PCDHGA2: variants seen among roughly 807,000 people sequenced by gnomAD.
PCDHGA2 encodes protocadherin gamma subfamily A, 2.
In PCDHGA2, 40 loss-of-function variants were observed where a neutral mutation model predicts 59.2. The observed-to-expected ratio is 0.68, with a 90% confidence interval of 0.52 to 0.88. The LOEUF (loss-of-function observed/expected upper bound fraction) is 0.88, where lower values mean the gene tolerates loss of function less well. PCDHGA2 is among the 40% of genes least tolerant of loss of function. The probability of loss-of-function intolerance (pLI) is 0.00; values close to 1 mark genes in which losing one functional copy is unlikely to be tolerated. For missense variants in PCDHGA2, 1,226 were observed against 1,204.0 expected (o/e 1.02, Z -0.27); for synonymous variants, 560 against 526.0 (o/e 1.06, Z -0.89).
intron 1 of PCDHGA2, chr5:141,388,006 T>C (rs1353495946): frequency 6.7e-7 from 1 of 1,482,372 alleles, no homozygotes; most frequent in African/African-American, 1.4e-5. Flanking sequence ...CCCGAGGAAA[T>C]GCCCAAGGGC....
In PCDHGA2 at chr5:141,366,520, C is replaced by T. The variant is rs2149895012; in HGVS notation, c.2424+25125C>T. ...CACGCCTGCTTCAGGCTGAAGGCAG[C>T]AGGTTGGCGGGTGTGCCCGCCTCGC... On this transcript the variant is annotated intron_variant, in intron 1 of 3. Coordinates refer to ENST00000394576, the MANE Select transcript of PCDHGA2 (RefSeq NM_018915.4). 3 of 1,614,278 alleles carry T rather than the reference C, an allele frequency of 1.9e-6. No individual in the cohort carries two copies. The East Asian group carries it at 6.7e-5, about 36-fold the overall frequency.
At chr5:141,426,427 G>A in intron 1 of PCDHGA2, 2 of 293,710 alleles carry the variant, frequency 6.8e-6, no homozygotes, top group Non-Finnish European at 1.3e-5. Context: ...CTCCGTGGTG[G>A]GGAACCTTGC....
rs2099713635 is a variant in PCDHGA2, at chr5:141,491,418, T to C, written c.2425-3389T>C. The C allele has an allele frequency of 6.2e-7, 1 of 1,613,796 alleles. No individual in the cohort carries two copies. Among genetic ancestry groups the C allele is most frequent in the Non-Finnish European group, 8.5e-7 (1 of 1,179,944 alleles). On this transcript the variant is annotated intron_variant, in intron 1 of 3. Transcript: ENST00000394576. The surrounding 1 kb of genome is among the most constrained non-coding windows in gnomAD (Gnocchi z 6.9). The stretch of plus-strand genomic sequence containing the variant: ...AGGGAAACGCAGACGGGGACGGGGG[T>C]GGAGGGCAGTGCTGCAGGCGCCAGG...
intron 1 of PCDHGA2, chr5:141,364,487 G>T: frequency 6.2e-7 from 1 of 1,614,032 alleles, no homozygotes; most frequent in Non-Finnish European, 8.5e-7. Flanking sequence ...CAAGGACCTT[G>T]GGCTGGAGCC....
chr5:141,428,446 T>C lies in PCDHGA2; in HGVS notation c.2425-66361T>C, dbSNP rs575475897. On this transcript the variant is annotated intron_variant, in intron 1 of 3. Coordinates refer to ENST00000394576, the MANE Select transcript of PCDHGA2 (RefSeq NM_018915.4). The stretch of plus-strand genomic sequence containing the variant: ...CTGTTCTAAGACTAGACCAGGGGTT[T>C]TTCCCAACTACAATGAGGGAACTTT... 4.2e-5 allele frequency: 16 copies of C among 378,218 alleles called. No homozygotes were observed. The East Asian group carries it at 8.8e-4, about 21-fold the overall frequency. 23.4% of individuals were successfully genotyped at this position (378,218 alleles called of 1,614,324 possible). A position where few individuals can be genotyped will look rare whatever the true frequency, so the allele number is the denominator to read the frequency against.
intron 1 of PCDHGA2, chr5:141,413,618 A>G (rs1188549125): frequency 6.2e-7 from 1 of 1,613,916 alleles, no homozygotes; most frequent in Non-Finnish European, 8.5e-7. Context: ...AAAATTAATG[A>G]AAATGTCGCT....
intron 1 of PCDHGA2, chr5:141,394,095 G>A: frequency 6.2e-7 from 1 of 1,613,848 alleles, no homozygotes; most frequent in Non-Finnish European, 8.5e-7. Context: ...CTCAGATCTA[G>A]GAACACCACC....
At position 141,476,503 on chromosome 5, in the gene PCDHGA2, C is replaced by T. The variant is rs1259213742; in HGVS notation, c.2425-18304C>T. 2 of 1,614,138 alleles carry T rather than the reference C, an allele frequency of 1.2e-6. No individual in the cohort carries two copies. ...TGGAAGTGGTGATCCAGGACATCAA[C>T]GACAACAATCCTGCTTTCCCTACCC... On this transcript the variant is annotated intron_variant, in intron 1 of 3. Transcript: ENST00000394576. The surrounding 1 kb of genome is among the most constrained non-coding windows in gnomAD (Gnocchi z 7.6).
At chr5:141,444,670 C>G (rs1174911888) in intron 1 of PCDHGA2, among the ~76,000 whole-genome samples, 1 of 152,052 alleles carries the variant, frequency 6.6e-6, no homozygotes, top group African/African-American at 2.4e-5. Context: ...CCATTTTTTT[C>G]AATACCATTT....
At chr5:141,502,552 T>C (rs1217408446) in intron 2 of PCDHGA2, among the ~76,000 whole-genome samples, 1 of 152,146 alleles carries the variant, frequency 6.6e-6, no homozygotes, top group Non-Finnish European at 1.5e-5. Context: ...AAAAACAGTG[T>C]CCCAGATCTC....
chr5:141,477,512 A>G lies in PCDHGA2; in HGVS notation c.2425-17295A>G. 1.9e-6 allele frequency: 3 copies of G among 1,614,156 alleles called. No homozygotes were observed. Among genetic ancestry groups the G allele is most frequent in the South Asian group, 2.2e-5 (2 of 91,072 alleles). ...TTCTCAATCTTCCTACGACGTTTAC[A>G]TTGAAGAAAACAACCTCCCCGGGGC... On this transcript the variant is annotated intron_variant, in intron 1 of 3. Transcript: ENST00000394576. This position sits in a 1 kb window ranked among gnomAD's most constrained non-coding sequence, Gnocchi z 4.9.
intron 1 of PCDHGA2, chr5:141,427,741 C>T (rs748636652): frequency 8.1e-7 from 1 of 1,240,376 alleles, no homozygotes; most frequent in Non-Finnish European, 1.2e-6. Context: ...GGCCAAGTCT[C>T]CTACTCCATC....
rs1246506569 is a variant in PCDHGA2, at chr5:141,341,375, A to G, written c.2404A>G (p.Arg802Gly). The G allele has an allele frequency of 3.1e-6, 5 of 1,614,146 alleles. 1 individual carries two copies. The South Asian group carries it at 4.4e-5, about 14-fold the overall frequency. Residue 802 changes from arginine (R) to glycine (G), a missense_variant, in exon 1 of 4, where the codon AGA becomes GGA. Physicochemically the swap from Arg to Gly is moderately radical, Grantham distance 125. Coordinates refer to ENST00000394576, the MANE Select transcript of PCDHGA2 (RefSeq NM_018915.4). ...SAPQSLLEEE[R>G]EETFSQQAPP... ...GCCTCAATCTCTACTCGAAGAAGAA[A>G]GAGAAGAAACGTTTTCTCAGGTAAT...
intron 1 of PCDHGA2, among the ~76,000 whole-genome samples, chr5:141,347,932 G>C (rs1758039048): frequency 6.6e-6 from 1 of 152,094 alleles, no homozygotes; most frequent in African/African-American, 2.4e-5. Context: ...AAATTATTAT[G>C]AGCCTTGGAG....
Position 141,476,974 on chromosome 5 carries a change from C to G in PCDHGA2, c.2425-17833C>G. 1 of 1,614,268 alleles carries G rather than the reference C, an allele frequency of 6.2e-7. No homozygotes were observed. The highest frequency in any genetic ancestry group is 1.3e-5 in the African/African-American group (1 of 75,080). On this transcript the variant is annotated intron_variant, in intron 1 of 3. Coordinates refer to ENST00000394576, the MANE Select transcript of PCDHGA2 (RefSeq NM_018915.4). This position sits in a 1 kb window ranked among gnomAD's most constrained non-coding sequence, Gnocchi z 7.6. ...AAATTATTTACTCCTTCGGCAGCCA[C>G]AACCGCGCCGGCGTGCGGCAACTAT...
At chr5:141,422,007 T>A in intron 1 of PCDHGA2, 1 of 1,609,966 alleles carries the variant, frequency 6.2e-7, no homozygotes, top group Non-Finnish European at 8.5e-7. Context: ...GCTCCGGAAC[T>A]CGGGTGCTGA....
At chr5:141,346,600 G>T in intron 1 of PCDHGA2, 1 of 1,285,240 alleles carries the variant, frequency 7.8e-7, no homozygotes, top group South Asian at 1.5e-5. Flanking sequence ...CTTTCTTTCT[G>T]GGCCTATAGT....
intron 1 of PCDHGA2, among the ~76,000 whole-genome samples, chr5:141,347,259 T>A (rs1250301636): frequency 6.6e-6 from 1 of 151,768 alleles, no homozygotes; most frequent in East Asian, 1.9e-4. Flanking sequence ...ACTCAAGTGA[T>A]CCTCCCACCT....
In PCDHGA2 at chr5:141,432,856, G is replaced by C; in HGVS notation, c.2425-61951G>C. 1 of 1,614,142 alleles carries C rather than the reference G, an allele frequency of 6.2e-7. No homozygotes were observed. The highest frequency in any genetic ancestry group is 1.7e-5 in the Admixed American group (1 of 60,030). On this transcript the variant is annotated intron_variant, in intron 1 of 3. Coordinates refer to ENST00000394576, the MANE Select transcript of PCDHGA2 (RefSeq NM_018915.4). This position sits in a 1 kb window ranked among gnomAD's most constrained non-coding sequence, Gnocchi z 6.0. Reference sequence around the variant, plus strand: ...TGTACCTGGTGGTAGCGGTGGCCGCGGTCTCCTGCGTCTTCCTGGCCTTCG... The same window carrying C: ...TGTACCTGGTGGTAGCGGTGGCCGCCGTCTCCTGCGTCTTCCTGGCCTTCG...
Sources: allele counts gnomAD v4.1 joint callset (sites outside exome capture counted in the v4.1 genomes callset), GRCh38; gene constraint gnomAD v4.1.1; non-coding constraint Gnocchi (gnomAD v3.1); transcripts MANE v1.5; gene names NCBI Gene and HGNC (gene_info 2026-07-23, HGNC 2026-07-21).